EVI5: variants seen among roughly 807,000 people sequenced by gnomAD.
The protein encoded by EVI5 is ecotropic viral integration site 5 protein homolog.
In EVI5, 73 loss-of-function variants were observed where a neutral mutation model predicts 112.0. The observed-to-expected ratio is 0.65, with a 90% CI of 0.54 to 0.79. The LOEUF is 0.79. Among genes scored for constraint, EVI5 ranks in the 30% least tolerant of loss-of-function variants. The pLI, the probability that EVI5 is intolerant of heterozygous loss-of-function variation, is 0.00. For missense variants in EVI5, 900 were observed against 968.8 expected, an observed-to-expected ratio of 0.93 and a Z score of 0.94; for synonymous variants, 305 against 319.9, an observed-to-expected ratio of 0.95 and a Z score of 0.50.
chr1:92,748,232 T>C (rs564389572), intron 1 of EVI5, among the ~76,000 whole-genome samples: 17 of 152,282 alleles, frequency 1.1e-4, no homozygotes, highest in African/African-American at 3.6e-4. Flanking sequence ...TCTTGGAATC[T>C]GGCTACCATG....
chr1:92,624,255 A>G lies in EVI5; in HGVS notation c.1748T>C (p.Met583Thr). ...NAMNELQDEL[M>T]TIRLREAETQ... ...TTCAGCTTCTCTAAGTCGAATGGTC[A>G]TCAGTTCATCTTGTAACTCATTCAT... is the stretch of plus-strand genomic sequence containing the variant. The change falls in exon 16 of 20, where the codon ATG becomes ACG. Residue 583 changes from methionine (M) to threonine (T), a missense_variant. Met to Thr is a moderately conservative substitution (Grantham distance 81). Transcript: ENST00000684568. 1 of 1,612,510 alleles carries G rather than the reference A, an allele frequency of 6.2e-7. No homozygotes were observed. Among genetic ancestry groups the G allele is most frequent in the South Asian group, 1.1e-5 (1 of 91,046 alleles).
chr1:92,560,170 G>T (rs1668306677), intron 19 of EVI5, among the ~76,000 whole-genome samples: 1 of 152,150 alleles, frequency 6.6e-6, no homozygotes, highest in Non-Finnish European at 1.5e-5. Context: ...CACAGTAGAT[G>T]AATAAATCAT....
At chr1:92,685,794 T>C (rs1184893514) in intron 9 of EVI5, among the ~76,000 whole-genome samples, 1 of 152,114 alleles carries the variant, frequency 6.6e-6, no homozygotes, top group Admixed American at 6.5e-5. Flanking sequence ...CTAGAAAATC[T>C]AGAAGAAATG....
At chr1:92,552,338 G>T (rs1447052010) in intron 19 of EVI5, among the ~76,000 whole-genome samples, 1 of 152,156 alleles carries the variant, frequency 6.6e-6, no homozygotes, top group Non-Finnish European at 1.5e-5. Context: ...ACATCAGAGA[G>T]GATATAACAA....
At chr1:92,619,135 A>C (rs1653922270) in intron 16 of EVI5, among the ~76,000 whole-genome samples, 1 of 152,126 alleles carries the variant, frequency 6.6e-6, no homozygotes, top group Non-Finnish European at 1.5e-5. Flanking sequence ...CTGATCCCGG[A>C]TGTGTCTGTG....
chr1:92,616,173 G>A (rs1247700807), intron 16 of EVI5, among the ~76,000 whole-genome samples: 3 of 152,258 alleles, frequency 2.0e-5, no homozygotes, highest in East Asian at 3.9e-4. Context: ...TGGTGGAGTG[G>A]ATTAGTCACT....
chr1:92,783,504 AAAAG>A (rs1685159509), intron 1 of EVI5, among the ~76,000 whole-genome samples: 1 of 150,038 alleles, frequency 6.7e-6, no homozygotes, highest in Non-Finnish European at 1.5e-5. Flanking sequence ...AAAAAAAAAA[AAAAG>A]AAAAGAAAAG....
intron 18 of EVI5, among the ~76,000 whole-genome samples, chr1:92,567,122 GT>G (rs1197325310): frequency 6.6e-6 from 1 of 151,574 alleles, no homozygotes; most frequent in Non-Finnish European, 1.5e-5. Context: ...ATGTGCCTAA[GT>G]TTTTAATAAA....
chr1:92,786,240 A>G (rs1423338219), upstream of EVI5, among the ~76,000 whole-genome samples: 62 of 151,628 alleles, frequency 4.1e-4, no homozygotes, highest in Non-Finnish European at 6.8e-4. Context: ...TTTCAGAAAA[A>G]AAAAAAAAAA....
At chr1:92,724,926 T>C (rs1209846899) in intron 2 of EVI5, among the ~76,000 whole-genome samples, 1 of 152,120 alleles carries the variant, frequency 6.6e-6, no homozygotes, top group South Asian at 2.1e-4. Flanking sequence ...TTAACCACCT[T>C]GAAATTCAGT....
chr1:92,693,603 A>C (rs1280462290), intron 9 of EVI5, among the ~76,000 whole-genome samples, 199 bp downstream of exon 9: 9 of 152,126 alleles, frequency 5.9e-5, no homozygotes, highest in African/African-American at 2.2e-4. Flanking sequence ...GTGGAAAAGG[A>C]GGAAAGTTTT....
chr1:92,632,615 A>T (rs181476316), intron 14 of EVI5, among the ~76,000 whole-genome samples: 2 of 152,196 alleles, frequency 1.3e-5, no homozygotes, highest in East Asian at 1.9e-4. Context: ...TGATCTTTTC[A>T]AAAAACCAGC....
rs552497743 is a variant in EVI5, at chr1:92,602,522, C to T, written c.2070+2785G>A. Among the ~76,000 whole-genome samples the T allele has an allele frequency of 2.0e-5, 3 of 152,196 alleles. No individual in the cohort carries two copies. The South Asian group carries it at 6.2e-4, about 32-fold the overall frequency. ...CCTCAAGGGATCATTCCACCTTAGC[C>T]TTCCAAGTAGCCAGAGCTACAGGAG... On this transcript the variant is annotated intron_variant, in intron 18 of 19. Transcript: ENST00000684568.
intron 19 of EVI5, among the ~76,000 whole-genome samples, chr1:92,546,186 G>C (rs1008522961): frequency 3.3e-5 from 5 of 152,072 alleles, no homozygotes; most frequent in Non-Finnish European, 7.4e-5. Flanking sequence ...TAAGGCATGC[G>C]TGTGAACTAA....
At chr1:92,695,005 AAC>A (rs1349529907) in intron 7 of EVI5, among the ~76,000 whole-genome samples, 1 of 152,232 alleles carries the variant, frequency 6.6e-6, no homozygotes, top group Non-Finnish European at 1.5e-5. Flanking sequence ...AGGTATGATT[AAC>A]AGTGTAGGCT....
In EVI5 at chr1:92,695,359, G is replaced by GT. The variant is rs1670147479; in HGVS notation, c.859dup (p.Thr287AsnfsTer12). 1 of 1,610,002 alleles carries GT rather than the reference G, an allele frequency of 6.2e-7. No individual in the cohort carries two copies. Among genetic ancestry groups the GT allele is most frequent in the African/African-American group, 1.3e-5 (1 of 74,800 alleles). On this transcript the variant is annotated frameshift_variant, in exon 7 of 20. Transcript: ENST00000684568. LOFTEE classifies it high-confidence loss of function. ...CCTTGTTGCAATTGGTAGTGGAAAA[G>GT]TTGTAAGAAAGATAGTCAGAAACCA...
chr1:92,595,496 C>A (rs185020216), intron 18 of EVI5, among the ~76,000 whole-genome samples: 1 of 152,218 alleles, frequency 6.6e-6, no homozygotes, highest in African/African-American at 2.4e-5. Flanking sequence ...AGCACACCAG[C>A]ATGGCACACG....
chr1:92,607,412 G>T (rs147130812), intron 17 of EVI5, 169 bp downstream of exon 17: 1 of 456,002 alleles, frequency 2.2e-6, no homozygotes, highest in African/African-American at 2.0e-5. Context: ...CCAGAAGCAA[G>T]ATGAGCTGAC....
chr1:92,545,034 T>C (rs1288794941), intron 19 of EVI5, among the ~76,000 whole-genome samples: 1 of 152,314 alleles, frequency 6.6e-6, no homozygotes, highest in East Asian at 1.9e-4. Flanking sequence ...ATCTGTAAGA[T>C]ATGGTTCATA....
Sources: gnomAD v4.1 joint callset for allele counts (sites outside exome capture counted in the v4.1 genomes callset) on GRCh38, gnomAD v4.1.1 for gene constraint, MANE v1.5 for transcripts, NCBI Gene and HGNC (gene_info 2026-07-23, HGNC 2026-07-21) for gene names.